Variants in RSU1 observed in about 807,000 individuals in gnomAD.
RSU1 encodes rsu-1.
RSU1 carries 26 observed loss-of-function variants against 31.1 expected under a neutral mutation model. The ratio of observed to expected loss-of-function variants is 0.84; its 90% CI spans 0.61 to 1.16. The LOEUF is 1.16. Among genes scored for constraint, RSU1 ranks in the 50% most tolerant of loss-of-function variants. The pLI is 0.00. For missense variants in RSU1, 320 were observed against 339.1 expected, an observed-to-expected ratio of 0.94 and a Z score of 0.44; for synonymous variants, 164 against 136.3, an observed-to-expected ratio of 1.20 and a Z score of -1.41.
At chr10:16,799,935 C>G (rs115604160) in intron 2 of RSU1, among the ~76,000 whole-genome samples, 1 of 152,156 alleles carries the variant, frequency 6.6e-6, no homozygotes, top group Non-Finnish European at 1.5e-5. Flanking sequence ...GATTACAGAA[C>G]GTTTCCCTTT....
intron 8 of RSU1, among the ~76,000 whole-genome samples, chr10:16,652,551 TACACACAAAC>T (rs1834705793): frequency 6.6e-6 from 1 of 152,014 alleles, no homozygotes; most frequent in Non-Finnish European, 1.5e-5. Flanking sequence ...CTATATTATA[TACACACAAAC>T]ACACACACAC....
At chr10:16,792,137 T>C (rs530477034) in intron 2 of RSU1, among the ~76,000 whole-genome samples, 5 of 152,178 alleles carry the variant, frequency 3.3e-5, no homozygotes, top group African/African-American at 1.2e-4. Flanking sequence ...TCTGTAACGT[T>C]GGTCATAAAA....
At chr10:16,657,049 G>A (rs973815501) in intron 8 of RSU1, among the ~76,000 whole-genome samples, 1 of 152,176 alleles carries the variant, frequency 6.6e-6, no homozygotes, top group East Asian at 1.9e-4. Flanking sequence ...TTATTCCGCA[G>A]AGATTTTCCT....
At chr10:16,724,908 A>C (rs1836352724) in intron 7 of RSU1, among the ~76,000 whole-genome samples, 1 of 152,244 alleles carries the variant, frequency 6.6e-6, no homozygotes, top group African/African-American at 2.4e-5. Context: ...ATGTTGAGTG[A>C]AAGAAGCCAG....
At chr10:16,596,510 C>T (rs1833616476) in intron 8 of RSU1, among the ~76,000 whole-genome samples, 1 of 152,168 alleles carries the variant, frequency 6.6e-6, no homozygotes, top group Non-Finnish European at 1.5e-5. Flanking sequence ...ACCCTGGAGG[C>T]ATCAGGTCTC....
intron 7 of RSU1, among the ~76,000 whole-genome samples, chr10:16,725,942 C>T (rs1277722541): frequency 4.0e-5 from 6 of 150,200 alleles, no homozygotes; most frequent in Non-Finnish European, 7.4e-5. Flanking sequence ...AAAAAGCTAT[C>T]AAAACTATTT....
At chr10:16,705,321 T>A (rs1835875112) in intron 7 of RSU1, among the ~76,000 whole-genome samples, 1 of 152,232 alleles carries the variant, frequency 6.6e-6, no homozygotes, top group Non-Finnish European at 1.5e-5. Context: ...GTCTCTCATA[T>A]AAAATAGTGT....
chr10:16,695,384 G>C (rs935914860), intron 7 of RSU1, among the ~76,000 whole-genome samples: 1 of 152,164 alleles, frequency 6.6e-6, no homozygotes, highest in Non-Finnish European at 1.5e-5. Context: ...AAGACAGATG[G>C]AAAAGGAAAG....
intron 7 of RSU1, among the ~76,000 whole-genome samples, chr10:16,725,462 T>G (rs12261652): frequency 0.16 from 23,803 of 152,154 alleles, 1,963 homozygotes; most frequent in Middle Eastern, 0.2. Context: ...CCCTCTACAA[T>G]TCAAGTTCAA....
chr10:16,605,846 G>A (rs1833795155), intron 8 of RSU1, among the ~76,000 whole-genome samples: 1 of 152,190 alleles, frequency 6.6e-6, no homozygotes. Context: ...CTGTTGCCCA[G>A]GCTGGAGTGC....
intron 8 of RSU1, among the ~76,000 whole-genome samples, chr10:16,684,264 T>C (rs949065863): frequency 6.6e-6 from 1 of 152,180 alleles, no homozygotes; most frequent in Non-Finnish European, 1.5e-5. Flanking sequence ...CTTTGTCACA[T>C]AATGTTATGC....
At chr10:16,639,377 A>G (rs558710977) in intron 8 of RSU1, among the ~76,000 whole-genome samples, 1 of 152,344 alleles carries the variant, frequency 6.6e-6, no homozygotes, top group Admixed American at 6.5e-5. Context: ...AGCCCTTACT[A>G]TTATATCTTC....
chr10:16,700,614 G>A (rs1835773178), intron 7 of RSU1, among the ~76,000 whole-genome samples: 1 of 152,176 alleles, frequency 6.6e-6, no homozygotes, highest in Admixed American at 6.5e-5. Flanking sequence ...ACTAATTATA[G>A]CAGTGCATGA....
At chr10:16,637,647 A>G (rs1025231640) in intron 8 of RSU1, among the ~76,000 whole-genome samples, 7 of 152,286 alleles carry the variant, frequency 4.6e-5, no homozygotes, top group Non-Finnish European at 1.0e-4. Flanking sequence ...CATGGAAAAC[A>G]GAGGGAACAC....
At chr10:16,661,287 C>CATGTGT (rs1554764460) in intron 8 of RSU1, among the ~76,000 whole-genome samples, 3 of 132,830 alleles carry the variant, frequency 2.3e-5, no homozygotes, top group Non-Finnish European at 4.8e-5. Context: ...GTAGAGAGTG[C>CATGTGT]GTGTGTGTGT....
At chr10:16,659,035 C>T (rs1834838826) in intron 8 of RSU1, among the ~76,000 whole-genome samples, 2 of 152,162 alleles carry the variant, frequency 1.3e-5, no homozygotes, top group Non-Finnish European at 2.9e-5. Context: ...ATTAGCAAGT[C>T]ATGTTTTCCT....
At chr10:16,727,598 A>T in intron 7 of RSU1, among the ~76,000 whole-genome samples, 1 of 152,078 alleles carries the variant, frequency 6.6e-6, no homozygotes, top group East Asian at 1.9e-4. Context: ...GTTCTGGGAA[A>T]CTCTTAGGGA....
At chr10:16,786,983 G>A (rs554126611) in intron 2 of RSU1, among the ~76,000 whole-genome samples, 12 of 152,092 alleles carry the variant, frequency 7.9e-5, no homozygotes, top group Non-Finnish European at 1.5e-4. Flanking sequence ...ATTCAGGGAG[G>A]TGCGGATCGG....
intron 5 of RSU1, among the ~76,000 whole-genome samples, chr10:16,754,288 C>G (rs182747944): frequency 1.2e-3 from 189 of 152,186 alleles, no homozygotes; most frequent in African/African-American, 3.8e-3. Flanking sequence ...TTTTAATTTT[C>G]AAAAGCATCT....
Sources: gnomAD v4.1 joint callset for allele counts (sites outside exome capture counted in the v4.1 genomes callset) on GRCh38, gnomAD v4.1.1 for gene constraint, MANE v1.5 for transcripts, NCBI Gene and HGNC (gene_info 2026-07-23, HGNC 2026-07-21) for gene names.